Variants in MKLN1 observed in about 807,000 individuals in gnomAD.
The protein encoded by MKLN1 is muskelin.
A neutral mutation model predicts 99.0 loss-of-function variants in MKLN1; 18 were observed. That is an observed-to-expected ratio of 0.18 (90% CI 0.13 to 0.27). MKLN1 has a LOEUF of 0.27. MKLN1 is among the 10% of genes least tolerant of loss of function. MKLN1 has a pLI of 1.00. For synonymous variants in MKLN1, 288 were observed against 293.2 expected (o/e 0.98, Z 0.18); for missense variants, 621 against 875.9 (o/e 0.71, Z 3.67).
intron 16 of MKLN1, among the ~76,000 whole-genome samples, chr7:131,478,242 G>A (rs1797019360): frequency 6.6e-6 from 1 of 152,142 alleles, no homozygotes; most frequent in South Asian, 2.1e-4. Context: ...AGATGAGAAT[G>A]CATATATGCT....
chr7:131,411,597 A>AC (rs34360874), intron 7 of MKLN1, among the ~76,000 whole-genome samples: 83,292 of 151,518 alleles, frequency 0.55, 23,365 homozygotes, highest in East Asian at 0.68. Context: ...ACATGGTGAG[A>AC]CCTGTCTCTA....
intron 1 of MKLN1, among the ~76,000 whole-genome samples, chr7:131,137,905 G>A (rs951603619): frequency 7.1e-5 from 9 of 126,970 alleles, no homozygotes; most frequent in Admixed American, 3.4e-4. Flanking sequence ...TCCTTGTCTT[G>A]TCTTTTCTTT....
intron 1 of MKLN1, among the ~76,000 whole-genome samples, chr7:131,342,664 A>G (rs1215102665): frequency 6.6e-6 from 1 of 152,154 alleles, no homozygotes; most frequent in Non-Finnish European, 1.5e-5. Context: ...ATTTTTGAAA[A>G]GCTGAAAATA....
intron 3 of MKLN1, among the ~76,000 whole-genome samples, chr7:131,285,868 C>T (rs1228110638): frequency 6.6e-6 from 1 of 151,890 alleles, no homozygotes; most frequent in Non-Finnish European, 1.5e-5. Context: ...GCATTTTGCT[C>T]TTATAAAAAC....
chr7:131,444,777 G>C (rs1795956864), intron 11 of MKLN1, among the ~76,000 whole-genome samples: 1 of 139,838 alleles, frequency 7.2e-6, no homozygotes, highest in South Asian at 2.2e-4. Context: ...AGTAGTAGTA[G>C]TAGTAGTAGT....
intron 2 of MKLN1, among the ~76,000 whole-genome samples, chr7:131,192,959 A>T (rs1300690520): frequency 6.6e-6 from 1 of 152,164 alleles, no homozygotes; most frequent in Non-Finnish European, 1.5e-5. Flanking sequence ...AGAAAAGGAG[A>T]GGGATATTAT....
At chr7:131,122,958 G>A (rs1342700601) in intron 1 of MKLN1, among the ~76,000 whole-genome samples, 1 of 138,602 alleles carries the variant, frequency 7.2e-6, no homozygotes, top group East Asian at 2.2e-4. Context: ...GGGAGGCGGA[G>A]CTTGCAGTGA....
intron 3 of MKLN1, among the ~76,000 whole-genome samples, chr7:131,219,264 G>A (rs1172108857): frequency 1.3e-5 from 2 of 151,948 alleles, no homozygotes; most frequent in Admixed American, 1.3e-4. Context: ...GCATCCAGAG[G>A]GCAGAGGCAT....
intron 2 of MKLN1, among the ~76,000 whole-genome samples, chr7:131,165,848 C>T (rs13230851): frequency 0.31 from 46,876 of 152,082 alleles, 8,542 homozygotes; most frequent in Non-Finnish European, 0.42. Flanking sequence ...GGCACGGTAG[C>T]TCATGCCTGT....
At chr7:131,224,734 C>T (rs1797115736) in intron 3 of MKLN1, among the ~76,000 whole-genome samples, 1 of 151,592 alleles carries the variant, frequency 6.6e-6, no homozygotes, top group Admixed American at 6.6e-5. Context: ...AAAAAAAACC[C>T]TCAAAGGAGT....
intron 1 of MKLN1, among the ~76,000 whole-genome samples, chr7:131,365,686 T>C (rs1800159815): frequency 6.6e-6 from 1 of 152,186 alleles, no homozygotes; most frequent in South Asian, 2.1e-4. Context: ...CCCAACATCA[T>C]TTATGGGAAG....
At chr7:131,347,963 A>G (rs753018649) in intron 1 of MKLN1, among the ~76,000 whole-genome samples, 11 of 152,236 alleles carry the variant, frequency 7.2e-5, no homozygotes, top group Non-Finnish European at 1.2e-4. Context: ...TAACAAACTA[A>G]TGGTTTGTGA....
intron 6 of MKLN1, among the ~76,000 whole-genome samples, chr7:131,410,139 G>T (rs889675946): frequency 3.9e-5 from 6 of 152,064 alleles, no homozygotes; most frequent in Non-Finnish European, 5.9e-5. Context: ...GTGTGTATGT[G>T]GGGGGATGTA....
Position 131,394,115 on chromosome 7 carries a change from AAC to A in MKLN1, c.401-3149_401-3148del, listed in dbSNP as rs1315327267. 2.0e-5 allele frequency among the ~76,000 whole-genome samples: 3 copies of A among 152,064 alleles called. No homozygotes were observed. In the South Asian group the frequency reaches 6.2e-4, roughly 31 times the overall value. On this transcript the variant is annotated intron_variant, in intron 4 of 17. Coordinates refer to ENST00000352689, the MANE Select transcript of MKLN1 (RefSeq NM_013255.5). Reference sequence around the variant, plus strand: ...TTTAAATGACACTGCTACATAAAGAAACACTAAAACAATAAAGATAATTTAAT... The same window carrying A: ...TTTAAATGACACTGCTACATAAAGAAACTAAAACAATAAAGATAATTTAAT...
chr7:131,302,093 G>A (rs964855632), intron 3 of MKLN1, among the ~76,000 whole-genome samples: 5 of 152,230 alleles, frequency 3.3e-5, no homozygotes, highest in African/African-American at 1.2e-4. Flanking sequence ...CGTTCATTAG[G>A]AAGTGTGGTA....
At chr7:131,444,433 A>C (rs78752634) in intron 11 of MKLN1, among the ~76,000 whole-genome samples, 1 of 151,788 alleles carries the variant, frequency 6.6e-6, no homozygotes, top group African/African-American at 2.4e-5. Context: ...TTGATGCTCA[A>C]ATTTTTCTCT....
intron 3 of MKLN1, among the ~76,000 whole-genome samples, chr7:131,218,487 A>C (rs1584843637): frequency 6.6e-6 from 1 of 152,238 alleles, no homozygotes; most frequent in Non-Finnish European, 1.5e-5. Flanking sequence ...TTGAAGTTAA[A>C]CTATGAACTA....
chr7:131,419,955 G>A (rs1444260080), intron 8 of MKLN1, among the ~76,000 whole-genome samples: 1 of 152,126 alleles, frequency 6.6e-6, no homozygotes, highest in African/African-American at 2.4e-5. Context: ...TTGAGTGAAG[G>A]GCAGCGAGTC....
At chr7:131,337,679 A>G (rs1271598794) in intron 1 of MKLN1, among the ~76,000 whole-genome samples, 2 of 151,594 alleles carry the variant, frequency 1.3e-5, no homozygotes, top group African/African-American at 2.4e-5. Context: ...GCCTATTTCC[A>G]TCATCTCTTT....
Sources: gnomAD v4.1 joint callset for allele counts (sites outside exome capture counted in the v4.1 genomes callset) on GRCh38, gnomAD v4.1.1 for gene constraint, MANE v1.5 for transcripts, NCBI Gene and HGNC (gene_info 2026-07-23, HGNC 2026-07-21) for gene names.